Variants in ZBTB8A observed in about 807,000 individuals in gnomAD.
The protein encoded by ZBTB8A is zinc finger and BTB domain-containing protein 8A.
Under a neutral mutation model 37.8 loss-of-function variants are expected in ZBTB8A, and 19 were observed. The observed-to-expected ratio is 0.50, with a 90% CI of 0.35 to 0.74. The LOEUF (loss-of-function observed/expected upper bound fraction) is 0.74, where lower values mean the gene tolerates loss of function less well. Ranked by LOEUF, ZBTB8A falls within the 30% of genes least tolerant of loss-of-function variation. ZBTB8A has a pLI of 0.01. For synonymous variants in ZBTB8A, 181 were observed against 185.2 expected, an observed-to-expected ratio of 0.98 and a Z score of 0.19; for missense variants, 394 against 537.8, an observed-to-expected ratio of 0.73 and a Z score of 2.65.
intron 1 of ZBTB8A, among the ~76,000 whole-genome samples, chr1:32,547,288 C>A (rs1288183344): frequency 6.6e-6 from 1 of 151,862 alleles, no homozygotes; most frequent in Admixed American, 6.6e-5. Context: ...ATAATTTTAT[C>A]CATGACTTTT....
chr1:32,578,027 C>T (rs1449685405), intron 2 of ZBTB8A, among the ~76,000 whole-genome samples: 1 of 151,962 alleles, frequency 6.6e-6, no homozygotes, highest in African/African-American at 2.4e-5. Context: ...CCTCAGCCTC[C>T]CCAGCAGCTG....
In ZBTB8A at chr1:32,549,399, C is replaced by A. The variant is rs149006531; in HGVS notation, c.-83-4060C>A. Among the ~76,000 whole-genome samples the A allele has an allele frequency of 6.5e-3, 974 of 150,774 alleles. 5 individuals carry two copies. The highest frequency in any genetic ancestry group is 0.011 in the Non-Finnish European group (741 of 67,764). The stretch of plus-strand genomic sequence containing the variant: ...ATCCCGGCTACTTGGGGGGCTGAGG[C>A]AGGAGAATCGCTTGAACCCAAGAGG... On this transcript the variant is annotated intron_variant, in intron 1 of 4. Coordinates refer to ENST00000373510, the MANE Select transcript of ZBTB8A (RefSeq NM_001040441.3).
intron 2 of ZBTB8A, among the ~76,000 whole-genome samples, chr1:32,561,353 C>A (rs1216893466): frequency 6.6e-6 from 1 of 152,152 alleles, no homozygotes; most frequent in Non-Finnish European, 1.5e-5. Context: ...GTTGATTCTT[C>A]TCCCACAGTT....
chr1:32,586,471 A>C (rs138526698), intron 2 of ZBTB8A, among the ~76,000 whole-genome samples: 2 of 152,278 alleles, frequency 1.3e-5, no homozygotes, highest in East Asian at 3.9e-4. Flanking sequence ...TGGACTTTAC[A>C]TTTTAGTAGG....
chr1:32,553,905 A>AG lies in ZBTB8A; in HGVS notation c.-2+367dup, dbSNP rs1553176758. Among the ~76,000 whole-genome samples, 477 of 127,518 alleles carry AG rather than the reference A, an allele frequency of 3.7e-3. 4 individuals are homozygous for AG. The highest frequency in any genetic ancestry group is 0.011 in the African/African-American group (397 of 35,124). 83.7% of individuals were successfully genotyped at this position (127,518 alleles called of 152,430 possible). The stretch of plus-strand genomic sequence containing the variant: ...CTGTCTCAAAAAAAAAAAAAAAAAA[A>AG]GGTAGAATTTTGGGCCGGGTACGGT... On this transcript the variant is annotated intron_variant, in intron 2 of 4. Transcript: ENST00000373510.
rs144231966 is a variant in ZBTB8A at position 32,561,171 on chromosome 1, C to T, written c.-2+7631C>T. Among the ~76,000 whole-genome samples the T allele has an allele frequency of 1.9e-4, 28 of 150,424 alleles. 1 individual carries two copies. In the East Asian group the frequency reaches 4.5e-3, roughly 24 times the overall value. ...CTCACCATCTCTTTTGCACCCTGTG[C>T]TCCAGCCATATTGAACAACTTACTT... On this transcript the variant is annotated intron_variant, in intron 2 of 4. Coordinates refer to ENST00000373510, the MANE Select transcript of ZBTB8A (RefSeq NM_001040441.3).
chr1:32,580,590 C>T (rs1004001311), intron 2 of ZBTB8A, among the ~76,000 whole-genome samples: 1 of 151,304 alleles, frequency 6.6e-6, no homozygotes, highest in African/African-American at 2.4e-5. Context: ...AATGACAATA[C>T]TGGGGAAAAG....
intron 2 of ZBTB8A, among the ~76,000 whole-genome samples, chr1:32,570,241 A>T (rs1644314258): frequency 6.6e-6 from 1 of 152,156 alleles, no homozygotes; most frequent in Non-Finnish European, 1.5e-5. Flanking sequence ...TAATATATTC[A>T]TGTGTCTATT....
chr1:32,601,573 A>G lies in ZBTB8A; in HGVS notation c.*1154A>G. 2 of 398,476 alleles carry G rather than the reference A, an allele frequency of 5.0e-6. No homozygotes were observed. The highest frequency in any genetic ancestry group is 3.6e-5 in the East Asian group (1 of 28,042). 24.7% of individuals were successfully genotyped at this position (398,476 alleles called of 1,614,324 possible). On this transcript the variant is annotated 3_prime_UTR_variant, in exon 5 of 5. Coordinates refer to ENST00000373510, the MANE Select transcript of ZBTB8A (RefSeq NM_001040441.3). ...TTATTTATAAAGTACTCTCTCATGT[A>G]TTTTCTCAGTGAGGTGGATACTATC... is the stretch of plus-strand genomic sequence containing the variant.
chr1:32,603,042 A>G lies in ZBTB8A; in HGVS notation c.*2623A>G, dbSNP rs1365354124. ...ATGGTACTTAATTGAGACTTTTTCA[A>G]GATTCCCCTGATGGCACATTTGCAG... On this transcript the variant is annotated 3_prime_UTR_variant, in exon 5 of 5. Coordinates refer to ENST00000373510, the MANE Select transcript of ZBTB8A (RefSeq NM_001040441.3). 2 of 152,194 alleles carry G rather than the reference A, an allele frequency of 1.3e-5. No homozygotes were observed. The highest frequency in any genetic ancestry group is 3.8e-4 in the East Asian group (2 of 5,198). 9.4% of individuals were successfully genotyped at this position (152,194 alleles called of 1,614,324 possible). A position where few individuals can be genotyped will look rare whatever the true frequency, so the allele number is the denominator to read the frequency against.
intron 2 of ZBTB8A, among the ~76,000 whole-genome samples, chr1:32,562,125 T>G (rs562394442): frequency 3.8e-4 from 55 of 144,902 alleles, no homozygotes; most frequent in East Asian, 5.8e-4. Context: ...TTGTTTGTTT[T>G]TTTTTTTTTT....
At chr1:32,559,049 T>C (rs1644224329) in intron 2 of ZBTB8A, among the ~76,000 whole-genome samples, 3 of 152,138 alleles carry the variant, frequency 2.0e-5, no homozygotes, top group African/African-American at 7.2e-5. Context: ...AGCCCATGTG[T>C]TTACCCACTG....
intron 2 of ZBTB8A, among the ~76,000 whole-genome samples, chr1:32,589,791 A>G (rs557986132): frequency 9.9e-5 from 15 of 151,942 alleles, no homozygotes; most frequent in Middle Eastern, 6.8e-3. Context: ...ACCTCAGGTG[A>G]TCCGTCAGCC....
At chr1:32,552,313 G>A (rs1644162899) in intron 1 of ZBTB8A, among the ~76,000 whole-genome samples, 2 of 152,102 alleles carry the variant, frequency 1.3e-5, no homozygotes, top group South Asian at 2.1e-4. Flanking sequence ...GCAGTGAGCC[G>A]TGATTGTGCC....
Position 32,594,997 on chromosome 1 carries a change from C to G in ZBTB8A, c.824-57C>G. 3 of 1,395,738 alleles carry G rather than the reference C, an allele frequency of 2.1e-6. No individual in the cohort carries two copies. The South Asian group carries it at 5.2e-5, about 24-fold the overall frequency. The allele number at this position is 1,395,738 out of a possible 1,614,324, so 86.5% of individuals were successfully genotyped here. A position where few individuals can be genotyped will look rare whatever the true frequency, so the allele number is the denominator to read the frequency against. On this transcript the variant is annotated intron_variant, in intron 3 of 4. Coordinates refer to ENST00000373510, the MANE Select transcript of ZBTB8A (RefSeq NM_001040441.3). ...CCATTGGGCTTGGATTGGATTCTTT[C>G]TGTTATTAGAATTGTTATGAACTTT...
At chr1:32,539,975 G>A (rs1218967777) in intron 1 of ZBTB8A, among the ~76,000 whole-genome samples, 1 of 151,496 alleles carries the variant, frequency 6.6e-6, no homozygotes, top group Admixed American at 6.6e-5. Context: ...GCGCGGGGAG[G>A]GCAGGGCAGG....
intron 2 of ZBTB8A, among the ~76,000 whole-genome samples, chr1:32,561,991 C>G (rs1644246893): frequency 6.6e-6 from 1 of 152,008 alleles, no homozygotes; most frequent in South Asian, 2.1e-4. Context: ...AGTTTGCCAT[C>G]CAGGCTAGAG....
chr1:32,559,644 T>C (rs1408909431), intron 2 of ZBTB8A, among the ~76,000 whole-genome samples: 3 of 151,850 alleles, frequency 2.0e-5, no homozygotes, highest in Non-Finnish European at 1.5e-5. Context: ...TTTGTATTTT[T>C]TGTAGTAATG....
intron 1 of ZBTB8A, among the ~76,000 whole-genome samples, chr1:32,552,020 G>A (rs1238022034): frequency 6.6e-6 from 1 of 152,100 alleles, no homozygotes; most frequent in Non-Finnish European, 1.5e-5. Flanking sequence ...TCATCTGCTG[G>A]CCTGCCTTTG....
Sources: gnomAD v4.1 joint callset for allele counts (sites outside exome capture counted in the v4.1 genomes callset) on GRCh38, gnomAD v4.1.1 for gene constraint, MANE v1.5 for transcripts, NCBI Gene and HGNC (gene_info 2026-07-23, HGNC 2026-07-21) for gene names.